LAMA3: variants seen among roughly 807,000 people sequenced by gnomAD.
LAMA3 encodes laminin subunit alpha 3, also known as laminin subunit alpha-3.
LAMA3 carries 281 observed loss-of-function variants against 402.0 expected under a neutral mutation model. That is an observed-to-expected ratio of 0.70 (90% CI 0.63 to 0.77). The LOEUF (loss-of-function observed/expected upper bound fraction) is 0.77, where lower values mean the gene tolerates loss of function less well. Among genes scored for constraint, LAMA3 ranks in the 30% least tolerant of loss-of-function variants. The pLI, the probability that LAMA3 is intolerant of heterozygous loss-of-function variation, is 0.00. For synonymous variants in LAMA3, 1,431 were observed against 1,558.4 expected (o/e 0.92, Z 1.93); for missense variants, 3,840 against 4,215.5 (o/e 0.91, Z 2.47).
chr18:23,864,505 G>C (rs1220320475), intron 35 of LAMA3, among the ~76,000 whole-genome samples: 1 of 152,100 alleles, frequency 6.6e-6, no homozygotes, highest in Non-Finnish European at 1.5e-5. Context: ...GGGATTATAG[G>C]CATGAGCTAC....
intron 8 of LAMA3, among the ~76,000 whole-genome samples, chr18:23,769,307 G>A (rs1297804022): frequency 6.6e-6 from 1 of 151,986 alleles, no homozygotes; most frequent in Admixed American, 6.5e-5. Context: ...AATAAATAAT[G>A]GAAAAGGAAA....
At chr18:23,690,543 G>A (rs1055550896) in intron 1 of LAMA3, among the ~76,000 whole-genome samples, 2 of 152,236 alleles carry the variant, frequency 1.3e-5, no homozygotes, top group Non-Finnish European at 2.9e-5. Context: ...GACAGAGATA[G>A]AAAGGCTCTC....
rs1390601539 is a variant in LAMA3 at position 23,879,778 on chromosome 18, T to C, written c.5113-2158T>C. On this transcript the variant is annotated intron_variant, in intron 39 of 74. Coordinates refer to ENST00000313654, the MANE Select transcript of LAMA3 (RefSeq NM_198129.4). This position sits in a 1 kb window ranked among gnomAD's most constrained non-coding sequence, Gnocchi z 4.2. ...AACTGACAGTGAAGGGTTTCTCACATATTTTTACGGGACTTTGTCAAGCAA... is the reference window on the plus strand; with the variant it reads ...AACTGACAGTGAAGGGTTTCTCACACATTTTTACGGGACTTTGTCAAGCAA... 6.6e-6 allele frequency among the ~76,000 whole-genome samples: 1 copy of C among 152,222 alleles called. No homozygotes were observed. Among genetic ancestry groups the C allele is most frequent in the African/African-American group, 2.4e-5 (1 of 41,460 alleles).
intron 12 of LAMA3, among the ~76,000 whole-genome samples, chr18:23,809,432 CT>C (rs1201167133): frequency 6.6e-6 from 1 of 152,230 alleles, no homozygotes; most frequent in East Asian, 1.9e-4. Context: ...ATGAGATGCT[CT>C]CTCTAGTTTC....
chr18:23,815,251 C>T lies in LAMA3; in HGVS notation c.1941+11C>T. 6.2e-7 allele frequency: 1 copy of T among 1,613,172 alleles called. No individual in the cohort carries two copies. The highest frequency in any genetic ancestry group is 8.5e-7 in the Non-Finnish European group (1 of 1,179,330). On this transcript the variant is annotated intron_variant, in intron 16 of 74. Transcript: ENST00000313654. ...GGAGAGTGTAGGCAGGTAAAGTGGG[C>T]TGAGTTTTCATGTGACAACAGCAGA...
chr18:23,952,904 A>G (rs1251143102), intron 73 of LAMA3, 86 bp from the exon 74 acceptor site: 8 of 1,573,602 alleles, frequency 5.1e-6, no homozygotes, highest in Non-Finnish European at 7.0e-6. Flanking sequence ...CAGGTCTAGT[A>G]TGAAGGAGTT....
chr18:23,814,601 C>T, intron 15 of LAMA3, 99 bp downstream of exon 15: 1 of 791,080 alleles, frequency 1.3e-6, no homozygotes, highest in Non-Finnish European at 2.2e-6. Context: ...TGTTGAATCA[C>T]TTCAATTTGA....
rs191996851 is a variant in LAMA3, at chr18:23,892,725, A to C, written c.5411-1573A>C. On this transcript the variant is annotated intron_variant, in intron 42 of 74. Transcript: ENST00000313654. Reference sequence around the variant, plus strand: ...TGAGACCAGCCTGGCCAACATGGGGAAACCCTGTCTCTACTAAAAATACAA... The same window carrying C: ...TGAGACCAGCCTGGCCAACATGGGGCAACCCTGTCTCTACTAAAAATACAA... Among the ~76,000 whole-genome samples, 1,192 of 152,182 alleles carry C rather than the reference A, an allele frequency of 7.8e-3. 11 individuals are homozygous for C. Among genetic ancestry groups the C allele is most frequent in the South Asian group, 0.066 (316 of 4,816 alleles).
At chr18:23,720,848 GT>G (rs2061198764) in intron 2 of LAMA3, among the ~76,000 whole-genome samples, 1 of 152,072 alleles carries the variant, frequency 6.6e-6, no homozygotes, top group African/African-American at 2.4e-5. Context: ...GAAATCAGGT[GT>G]TTTCTTTTAA....
chr18:23,729,084 G>A (rs1168938332), intron 2 of LAMA3, among the ~76,000 whole-genome samples: 1 of 149,958 alleles, frequency 6.7e-6, no homozygotes, highest in Non-Finnish European at 1.5e-5. Context: ...TGACCATACT[G>A]AAGTTTTTAA....
chr18:23,916,628 T>C lies in LAMA3; in HGVS notation c.7856T>C (p.Ile2619Thr), dbSNP rs754286421. The C allele has an allele frequency of 6.2e-7, 1 of 1,614,164 alleles. No homozygotes were observed. Among genetic ancestry groups the C allele is most frequent in the South Asian group, 1.1e-5 (1 of 91,076 alleles). ...ARVPTQPHAP[I>T]PTFGQTIQTT... ...GTTCCAACTCAACCACATGCTCCCA[T>C]CCCAACCTTTGGACAGACAATTCAG... The change falls in exon 60 of 75, where the codon ATC becomes ACC. Residue 2619 changes from isoleucine to threonine, a missense_variant. Ile to Thr is a moderately conservative substitution (Grantham distance 89, BLOSUM62 -1). Around this residue, in one of 3 missense-constraint regions of LAMA3, gnomAD observed 840 missense variants for 981.9 expected, o/e 0.86. Coordinates refer to ENST00000313654, the MANE Select transcript of LAMA3 (RefSeq NM_198129.4).
chr18:23,878,673 G>A (rs763948381), intron 39 of LAMA3, among the ~76,000 whole-genome samples: 2 of 152,194 alleles, frequency 1.3e-5, no homozygotes, highest in Non-Finnish European at 2.9e-5. Context: ...TATCAAACGG[G>A]CCTTCTGGCT....
At chr18:23,855,930 C>T (rs1010539849) in intron 32 of LAMA3, among the ~76,000 whole-genome samples, 6 of 152,102 alleles carry the variant, frequency 3.9e-5, no homozygotes, top group African/African-American at 9.7e-5. Context: ...TTAGTTGTGC[C>T]GAGTGGACAG....
intron 39 of LAMA3, among the ~76,000 whole-genome samples, chr18:23,881,175 T>G (rs1485865354): frequency 6.6e-6 from 1 of 152,160 alleles, no homozygotes; most frequent in African/African-American, 2.4e-5. Context: ...GGTTGCAAAA[T>G]TATTTCATCT....
At position 23,904,007 on chromosome 18, in the gene LAMA3, A is replaced by T. The variant is rs1481726058; in HGVS notation, c.6393A>T (p.Arg2131Ser). 3.1e-6 allele frequency: 5 copies of T among 1,614,180 alleles called. No individual in the cohort carries two copies. The highest frequency in any genetic ancestry group is 4.2e-6 in the Non-Finnish European group (5 of 1,180,022). ...ELSDKVRELS[R>S]SAGKTSLVEE... ...GTGACAAAGTAAGAGAACTTTCCAG[A>T]TCTGCTGGCAAAACATCCCTTGTGG... is the stretch of plus-strand genomic sequence containing the variant. The change falls in exon 50 of 75, where the codon AGA (arginine) becomes AGT (serine). Residue 2131 changes from arginine (R) to serine (S), a missense_variant. Transcript: ENST00000313654.
intron 32 of LAMA3, among the ~76,000 whole-genome samples, chr18:23,854,992 A>G: frequency 8.9e-6 from 1 of 112,854 alleles, no homozygotes; most frequent in South Asian, 2.5e-4. Context: ...TCAAAAATAA[A>G]TAAATAAAAA....
Position 23,909,267 on chromosome 18 carries a change from T to A in LAMA3, c.7130T>A (p.Ile2377Asn). 6.2e-7 allele frequency: 1 copy of A among 1,613,176 alleles called. No individual in the cohort carries two copies. Among genetic ancestry groups the A allele is most frequent in the South Asian group, 1.1e-5 (1 of 91,076 alleles). ...SDNMDRIREL[I>N]QQARDAASKV... ...AACATGGACAGAATACGAGAACTAA[T>A]TCAGCAGGCCAGAGATGCTGCCAGT... Residue 2377 changes from isoleucine to asparagine, a missense_variant, in exon 55 of 75, where the codon ATT becomes AAT. Ile to Asn is a moderately radical substitution (Grantham distance 149, BLOSUM62 -3). Around this residue, in one of 3 missense-constraint regions of LAMA3, gnomAD observed 891 missense variants for 857.5 expected, o/e 1.04. Transcript: ENST00000313654.
intron 7 of LAMA3, among the ~76,000 whole-genome samples, chr18:23,758,945 G>A (rs1252892840): frequency 6.6e-6 from 1 of 152,172 alleles, no homozygotes; most frequent in Non-Finnish European, 1.5e-5. Context: ...GTGCTGGGAA[G>A]TGTAACATGG....
chr18:23,750,432 GTTTTTTTTTTTTTTTTT>G (rs66582854), intron 4 of LAMA3, among the ~76,000 whole-genome samples: 527 of 33,068 alleles, frequency 0.016, 5 homozygotes, highest in South Asian at 0.025. Context: ...GGTTTACACA[GTTTTTTTTTTTTTTTTT>G]TTTTTTTTTT....
Sources: allele counts gnomAD v4.1 joint callset (sites outside exome capture counted in the v4.1 genomes callset), GRCh38; gene constraint gnomAD v4.1.1; regional missense constraint gnomAD v4.1.1; non-coding constraint Gnocchi (gnomAD v3.1); transcripts MANE v1.5; gene names NCBI Gene and HGNC (gene_info 2026-07-23, HGNC 2026-07-21).